The following TRRAP variants were observed in gnomAD, a reference collection of about 807,000 sequenced individuals.
The protein encoded by TRRAP is transformation/transcription domain-associated protein.
A neutral mutation model predicts 438.8 loss-of-function variants in TRRAP; 41 were observed. That is an observed-to-expected ratio of 0.09 (90% CI 0.07 to 0.12). The LOEUF is 0.12. Ranked by LOEUF, TRRAP falls within the 10% of genes least tolerant of loss-of-function variation. The probability of loss-of-function intolerance (pLI) is 1.00; values close to 1 mark genes in which losing one functional copy is unlikely to be tolerated. For synonymous variants in TRRAP, 1,994 were observed against 1,962.9 expected (o/e 1.02, Z -0.42); for missense variants, 3,122 against 5,055.1 (o/e 0.62, Z 11.60).
chr7:98,996,452 C>G (rs1251795560), intron 67 of TRRAP, among the ~76,000 whole-genome samples: 1 of 152,250 alleles, frequency 6.6e-6, no homozygotes. Flanking sequence ...GCCTTCATCT[C>G]TCAAGTGTCA....
intron 22 of TRRAP, 118 bp from the exon 23 acceptor site, chr7:98,927,049 C>T: frequency 8.9e-7 from 1 of 1,128,870 alleles, no homozygotes; most frequent in Non-Finnish European, 1.3e-6. Context: ...AGATAAATTA[C>T]CCAGGCCTGT....
chr7:98,978,940 G>T (rs950560282), intron 58 of TRRAP, 36 bp downstream of exon 58: 7 of 1,610,466 alleles, frequency 4.3e-6, no homozygotes, highest in Non-Finnish European at 5.9e-6. Flanking sequence ...CCGCTGCCTG[G>T]GTCCCTTTTC....
intron 67 of TRRAP, among the ~76,000 whole-genome samples, chr7:99,001,833 T>A (rs1408677958): frequency 6.6e-6 from 1 of 152,242 alleles, no homozygotes; most frequent in African/African-American, 2.4e-5. Flanking sequence ...CTTCCATTCA[T>A]GTGGGAACTG....
chr7:98,895,750 TCTG>T lies in TRRAP; in HGVS notation c.451-11_451-9del. 2 of 1,595,550 alleles carry T rather than the reference TCTG, an allele frequency of 1.3e-6. No individual in the cohort carries two copies. The highest frequency in any genetic ancestry group is 1.7e-6 in the Non-Finnish European group (2 of 1,171,510). On this transcript the variant is annotated splice_polypyrimidine_tract_variant and intron_variant, in intron 6 of 72. Transcript: ENST00000456197. ...TGAATATCTTCCTATAACGAAAGTG[TCTG>T]CTTTTTTTAGATTCATCATTTTCTG...
intron 68 of TRRAP, among the ~76,000 whole-genome samples, chr7:99,004,786 A>G (rs1024507697): frequency 6.6e-6 from 1 of 152,134 alleles, no homozygotes; most frequent in African/African-American, 2.4e-5. Context: ...AAGGGCTTTG[A>G]AGAGGTTTCT....
intron 30 of TRRAP, among the ~76,000 whole-genome samples, chr7:98,939,191 G>A (rs188076978): frequency 3.1e-4 from 47 of 152,296 alleles, no homozygotes; most frequent in Admixed American, 2.7e-3. Flanking sequence ...ACCATTTGAC[G>A]TTTTAAGATA....
chr7:99,006,675 A>G (rs1009221471), intron 69 of TRRAP, among the ~76,000 whole-genome samples: 2 of 152,208 alleles, frequency 1.3e-5, no homozygotes, highest in African/African-American at 2.4e-5. Context: ...ACTCCACGTC[A>G]GGGGTTACAG....
rs531196688 is a variant in TRRAP at position 98,915,749 on chromosome 7, C to G, written c.2226C>G (p.Ser742Arg). Residue 742 changes from serine (S) to arginine (R), a missense_variant, in exon 19 of 73, where the codon AGC becomes AGG. Around this residue, in one of 24 missense-constraint regions of TRRAP, gnomAD observed 149 missense variants for 302.8 expected, o/e 0.49. Coordinates refer to ENST00000456197, the MANE Select transcript of TRRAP (RefSeq NM_001375524.1). ...CTCACTTGCACAAGATTGTGAACAG[C>G]TCTATGGAGCTCGCGCAGACTGCCA... ...LKPHLHKIVN[S>R]SMELAQTAKE... 6.2e-7 allele frequency: 1 copy of G among 1,614,108 alleles called. No individual in the cohort carries two copies. Among genetic ancestry groups the G allele is most frequent in the African/African-American group, 1.3e-5 (1 of 75,056 alleles).
intron 37 of TRRAP, 82 bp downstream of exon 37, chr7:98,949,923 G>C (rs1554417833): frequency 1.3e-6 from 2 of 1,573,758 alleles, no homozygotes; most frequent in African/African-American, 2.7e-5. Context: ...CTCTGTACAA[G>C]GCTGTGGTCA....
intron 4 of TRRAP, among the ~76,000 whole-genome samples, chr7:98,892,151 C>G (rs1459870980): frequency 6.6e-6 from 1 of 152,192 alleles, no homozygotes; most frequent in African/African-American, 2.4e-5. Context: ...GTCCGTTGGA[C>G]TTACTGATAA....
intron 20 of TRRAP, among the ~76,000 whole-genome samples, chr7:98,919,089 G>A (rs1789669007): frequency 6.6e-6 from 1 of 152,182 alleles, no homozygotes; most frequent in South Asian, 2.1e-4. Flanking sequence ...TTGTTGGAGG[G>A]TTAGGGTGTG....
chr7:98,977,581 G>A (rs756819685), intron 56 of TRRAP, among the ~76,000 whole-genome samples: 1 of 152,240 alleles, frequency 6.6e-6, no homozygotes, highest in Non-Finnish European at 1.5e-5. Flanking sequence ...GTCCTGATAA[G>A]TCCTTTGCAT....
chr7:98,937,283 T>C lies in TRRAP; in HGVS notation c.4233+6T>C, dbSNP rs1375089517. 2.5e-6 allele frequency: 4 copies of C among 1,609,558 alleles called. No homozygotes were observed. The highest frequency in any genetic ancestry group is 2.2e-5 in the East Asian group (1 of 44,766). On this transcript the variant is annotated splice_donor_region_variant and intron_variant, in intron 29 of 72. Transcript: ENST00000456197. ...GAGAAGCCTGTATGAGAAAGGTGAG[T>C]GTGTGTGCGTGCGTGTATGCGCACG...
chr7:98,896,486 C>T (rs549861334), intron 7 of TRRAP, among the ~76,000 whole-genome samples: 12 of 152,076 alleles, frequency 7.9e-5, no homozygotes, highest in Non-Finnish European at 1.3e-4. Context: ...CTCTGCTCAC[C>T]GCAGCCTCCA....
Position 99,008,526 on chromosome 7 carries a change from A to G in TRRAP, c.10903A>G (p.Thr3635Ala). The G allele has an allele frequency of 1.2e-6, 2 of 1,614,008 alleles. No individual in the cohort carries two copies. The highest frequency in any genetic ancestry group is 1.1e-5 in the South Asian group (1 of 91,090). The change falls in exon 70 of 73, where the codon ACG becomes GCG. Residue 3635 changes from threonine (T) to alanine (A), a missense_variant. Coordinates refer to ENST00000456197, the MANE Select transcript of TRRAP (RefSeq NM_001375524.1). Reference sequence around the variant, plus strand: ...CTCCCGTTACTATGACCGGCTGGCTACGGTGCAGGCGCGGGGAACCCAAGC... The same window carrying G: ...CTCCCGTTACTATGACCGGCTGGCTGCGGTGCAGGCGCGGGGAACCCAAGC... Reference protein sequence around the residue: ...PISRYYDRLATVQARGTQASH... With the variant: ...PISRYYDRLAAVQARGTQASH...
rs1378048602 is a variant in TRRAP, at chr7:98,910,097, C to T, written c.1392C>T (p.Leu464=). The T allele has an allele frequency of 4.1e-5, 65 of 1,586,408 alleles. No homozygotes were observed. The highest frequency in any genetic ancestry group is 5.4e-5 in the Non-Finnish European group (63 of 1,167,144). ...LKFHTIARYQ[L]SAIFKKCKPQ... Reference sequence around the variant, plus strand: ...TCCACACAATTGCTCGGTACCAGCTCTCTGCCATTTTTAAGAAGTGTAAGC... The same window carrying T: ...TCCACACAATTGCTCGGTACCAGCTTTCTGCCATTTTTAAGAAGTGTAAGC... The change falls in exon 15 of 73, where the codon CTC becomes CTT. Residue 464 remains leucine (L), a synonymous_variant. Coordinates refer to ENST00000456197, the MANE Select transcript of TRRAP (RefSeq NM_001375524.1).
intron 53 of TRRAP, among the ~76,000 whole-genome samples, chr7:98,973,537 T>C (rs1331224531): frequency 1.3e-5 from 2 of 152,210 alleles, no homozygotes. Flanking sequence ...CTCCACGTCC[T>C]CTGTGGGGCC....
Position 98,955,133 on chromosome 7 carries a change from A to C in TRRAP, c.5766A>C (p.Glu1922Asp). ...GTCTCCTCAAGGCTCACGCAATGGA[A>C]GCTCGAGCGATCGTCAGACAGGCGA... ...FHSLLKAHAM[E>D]ARAIVRQAMA... The change falls in exon 41 of 73, where the codon GAA becomes GAC. Residue 1922 changes from glutamate to aspartate, a missense_variant. Coordinates refer to ENST00000456197, the MANE Select transcript of TRRAP (RefSeq NM_001375524.1). The C allele has an allele frequency of 6.2e-7, 1 of 1,614,106 alleles. No homozygotes were observed. The highest frequency in any genetic ancestry group is 8.5e-7 in the Non-Finnish European group (1 of 1,179,996).
Position 98,961,452 on chromosome 7 carries a change from G to A in TRRAP, c.6681G>A (p.Met2227Ile), listed in dbSNP as rs1276750121. Residue 2227 changes from methionine to isoleucine, a missense_variant, in exon 46 of 73, where the codon ATG becomes ATA. Transcript: ENST00000456197. Reference protein sequence around the residue: ...RAVHSLLSRLMSIFPTEPSTS... With the variant: ...RAVHSLLSRLISIFPTEPSTS... ...TCCACAGCCTTCTCTCGCGCCTGAT[G>A]AGCATTTTCCCAACAGAGCCGAGTA... 6.2e-7 allele frequency: 1 copy of A among 1,614,212 alleles called. No homozygotes were observed. Among genetic ancestry groups the A allele is most frequent in the South Asian group, 1.1e-5 (1 of 91,082 alleles).
Sources: gnomAD v4.1 joint callset for allele counts (sites outside exome capture counted in the v4.1 genomes callset) on GRCh38, gnomAD v4.1.1 for gene constraint, gnomAD v4.1.1 regional missense constraint, MANE v1.5 for transcripts, NCBI Gene and HGNC (gene_info 2026-07-23, HGNC 2026-07-21) for gene names.